Variants in NKAIN2 observed in about 807,000 individuals in gnomAD.
NKAIN2 encodes sodium/potassium-transporting ATPase subunit beta-1-interacting protein 2.
A neutral mutation model predicts 32.6 loss-of-function variants in NKAIN2; 14 were observed. That is an observed-to-expected ratio of 0.43 (90% CI 0.28 to 0.67). The LOEUF is 0.67. Ranked by LOEUF, NKAIN2 falls within the 30% of genes least tolerant of loss-of-function variation. The pLI is 0.17. For missense variants in NKAIN2, 198 were observed against 258.3 expected, an observed-to-expected ratio of 0.77 and a Z score of 1.60; for synonymous variants, 80 against 87.2, an observed-to-expected ratio of 0.92 and a Z score of 0.46.
At chr6:124,705,838 G>T (rs560849724) in intron 4 of NKAIN2, among the ~76,000 whole-genome samples, 1 of 152,112 alleles carries the variant, frequency 6.6e-6, no homozygotes, top group South Asian at 2.1e-4. Context: ...ACTCAATTAA[G>T]CATATGTTAT....
Position 124,622,846 on chromosome 6 carries a change from C to A in NKAIN2, c.274-35340C>A, listed in dbSNP as rs146052620. On this transcript the variant is annotated intron_variant, in intron 3 of 6. Coordinates refer to ENST00000368417, the MANE Select transcript of NKAIN2 (RefSeq NM_001040214.3). ...TCTGCCGCATCGCTCTGCTGTTCAT[C>A]TGCTTATCTCATCTCCTCATCTGCT... 1.6e-3 allele frequency among the ~76,000 whole-genome samples: 250 copies of A among 152,254 alleles called. 1 individual carries two copies. The highest frequency in any genetic ancestry group is 5.8e-3 in the African/African-American group (240 of 41,538).
intron 3 of NKAIN2, among the ~76,000 whole-genome samples, chr6:124,629,225 G>T (rs575547378): frequency 2.6e-5 from 4 of 152,088 alleles, no homozygotes; most frequent in African/African-American, 9.6e-5. Flanking sequence ...AAACCCCAGG[G>T]GTATAATTAT....
chr6:124,186,201 A>G lies in NKAIN2; in HGVS notation c.55-96804A>G, dbSNP rs6921877. Among the ~76,000 whole-genome samples the G allele has an allele frequency of 6.1e-3, 745 of 122,910 alleles. 6 individuals carry two copies. The highest frequency in any genetic ancestry group is 0.034 in the African/African-American group (705 of 20,890). 80.6% of individuals were successfully genotyped at this position (122,910 alleles called of 152,430 possible). On this transcript the variant is annotated intron_variant, in intron 1 of 6. Coordinates refer to ENST00000368417, the MANE Select transcript of NKAIN2 (RefSeq NM_001040214.3). ...AGAAAGAAAGGAAGGAAGGAAGGAA[A>G]GAAGGAAAGAAGGAAGGAAGGAAGG...
intron 1 of NKAIN2, among the ~76,000 whole-genome samples, chr6:124,003,143 A>G (rs1779943766): frequency 6.6e-6 from 1 of 152,240 alleles, no homozygotes; most frequent in Non-Finnish European, 1.5e-5. Flanking sequence ...AACAAAATGA[A>G]CAAAAAGAAC....
chr6:124,297,719 G>A (rs559648011), intron 2 of NKAIN2, among the ~76,000 whole-genome samples: 2 of 151,912 alleles, frequency 1.3e-5, no homozygotes, highest in African/African-American at 4.8e-5. Context: ...TCTTGGCCCC[G>A]CCCCCTGTCA....
intron 3 of NKAIN2, among the ~76,000 whole-genome samples, chr6:124,375,426 C>CAT (rs1052672657): frequency 4.8e-5 from 7 of 146,904 alleles, no homozygotes; most frequent in South Asian, 4.2e-4. Context: ...ATATAAATTA[C>CAT]ATATATATAT....
At chr6:124,331,524 G>T (rs1170848576) in intron 2 of NKAIN2, among the ~76,000 whole-genome samples, 1 of 118,552 alleles carries the variant, frequency 8.4e-6, no homozygotes, top group South Asian at 2.7e-4. Context: ...GCGAGACTCC[G>T]TCTCAAAAAA....
chr6:124,216,732 T>A (rs990006310), intron 1 of NKAIN2, among the ~76,000 whole-genome samples: 2 of 152,202 alleles, frequency 1.3e-5, no homozygotes, highest in African/African-American at 4.8e-5. Context: ...GACTTGAATG[T>A]TAATAATTCA....
intron 3 of NKAIN2, among the ~76,000 whole-genome samples, chr6:124,646,489 A>G (rs1784174272): frequency 6.6e-6 from 1 of 152,134 alleles, no homozygotes; most frequent in Non-Finnish European, 1.5e-5. Flanking sequence ...GAAAAAATTA[A>G]GGATATAATG....
At chr6:123,876,216 T>C (rs1773163268) in intron 1 of NKAIN2, among the ~76,000 whole-genome samples, 1 of 152,200 alleles carries the variant, frequency 6.6e-6, no homozygotes, top group Admixed American at 6.5e-5. Context: ...AAATATACAA[T>C]ATTTCTCCAT....
intron 1 of NKAIN2, among the ~76,000 whole-genome samples, chr6:124,228,955 A>T (rs1194740621): frequency 6.6e-6 from 1 of 152,192 alleles, no homozygotes; most frequent in Non-Finnish European, 1.5e-5. Context: ...AAGGAAAGAG[A>T]TGCTAGTAAG....
intron 4 of NKAIN2, among the ~76,000 whole-genome samples, chr6:124,736,354 T>C (rs1776940829): frequency 6.6e-6 from 1 of 151,954 alleles, no homozygotes; most frequent in African/African-American, 2.4e-5. Context: ...CAAGTGCTGA[T>C]ATAGAAGCTG....
intron 3 of NKAIN2, among the ~76,000 whole-genome samples, chr6:124,578,419 TGGCAGTAGCCA>T (rs908571543): frequency 6.6e-6 from 1 of 151,718 alleles, no homozygotes; most frequent in Non-Finnish European, 1.5e-5. Flanking sequence ...GAGTGAACAT[TGGCAGTAGCCA>T]GGCAGTACTT....
rs376281884 is a variant in NKAIN2, at chr6:124,248,859, A to G, written c.55-34146A>G. ...GCCGACATCAGTGTGCTAACACAGG[A>G]TAAGGAAAGGGCAAAATTACAGCAA... On this transcript the variant is annotated intron_variant, in intron 1 of 6. Transcript: ENST00000368417. Among the ~76,000 whole-genome samples, 34 of 152,258 alleles carry G rather than the reference A, an allele frequency of 2.2e-4. 2 individuals are homozygous for G. The South Asian group carries it at 6.6e-3, about 30-fold the overall frequency.
intron 6 of NKAIN2, among the ~76,000 whole-genome samples, chr6:124,819,555 G>A (rs956030634): frequency 2.0e-5 from 3 of 152,064 alleles, no homozygotes; most frequent in African/African-American, 7.2e-5. Flanking sequence ...TCCTCACAAC[G>A]ACTGCACTAA....
chr6:124,584,174 T>A (rs780679403), intron 3 of NKAIN2, among the ~76,000 whole-genome samples: 4 of 152,088 alleles, frequency 2.6e-5, no homozygotes, highest in African/African-American at 9.7e-5. Flanking sequence ...TCTTCTGCAC[T>A]GCAAAGGAAA....
intron 4 of NKAIN2, among the ~76,000 whole-genome samples, chr6:124,695,713 G>T (rs1480835853): frequency 6.6e-6 from 1 of 152,120 alleles, no homozygotes; most frequent in Non-Finnish European, 1.5e-5. Context: ...AGTGAAAAAG[G>T]AAATGGAATG....
intron 3 of NKAIN2, among the ~76,000 whole-genome samples, chr6:124,478,867 G>A (rs1286011743): frequency 6.6e-6 from 1 of 152,114 alleles, no homozygotes; most frequent in Admixed American, 6.6e-5. Flanking sequence ...GGGTGAAAGA[G>A]TAATTTTACA....
At chr6:124,772,596 T>G (rs948444060) in intron 4 of NKAIN2, among the ~76,000 whole-genome samples, 6 of 152,210 alleles carry the variant, frequency 3.9e-5, no homozygotes, top group African/African-American at 1.4e-4. Context: ...TTTCATAACT[T>G]AGAGAAATCT....
Sources: gnomAD v4.1 joint callset for allele counts (sites outside exome capture counted in the v4.1 genomes callset) on GRCh38, gnomAD v4.1.1 for gene constraint, MANE v1.5 for transcripts, NCBI Gene and HGNC (gene_info 2026-07-23, HGNC 2026-07-21) for gene names.